The following TPSD1 variants were observed in gnomAD, a reference collection of about 807,000 sequenced individuals.
TPSD1 encodes tryptase delta.
TPSD1 carries 30 observed loss-of-function variants against 25.4 expected under a neutral mutation model. The ratio of observed to expected loss-of-function variants is 1.18; its 90% CI spans 0.88 to 1.60. TPSD1 has a LOEUF of 1.60. TPSD1 is among the 40% of genes most tolerant of loss of function. TPSD1 has a pLI of 0.00. For synonymous variants in TPSD1, 176 were observed against 149.4 expected (o/e 1.18, Z -1.30); for missense variants, 420 against 324.2 (o/e 1.30, Z -2.27).
In TPSD1 at chr16:1,256,623, C is replaced by T. The variant is rs200540687; in HGVS notation, c.190C>T (p.His64Tyr). 3 of 1,613,044 alleles carry T rather than the reference C, an allele frequency of 1.9e-6. No individual in the cohort carries two copies. Among genetic ancestry groups the T allele is most frequent in the Non-Finnish European group, 2.5e-6 (3 of 1,179,758 alleles). ...SLRVRGPYWM[H>Y]FCGGSLIHPQ... Reference sequence around the variant, plus strand: ...GAGAGTCCGCGGCCCATACTGGATGCACTTCTGCGGGGGCTCCCTCATCCA... The same window carrying T: ...GAGAGTCCGCGGCCCATACTGGATGTACTTCTGCGGGGGCTCCCTCATCCA... The change falls in exon 2 of 5, where the codon CAC becomes TAC. Residue 64 changes from histidine (H) to tyrosine (Y), a missense_variant. By Grantham distance (83) the His-to-Tyr change is moderately conservative. Transcript: ENST00000211076.
rs1273342152 is a variant in TPSD1 at position 1,256,660 on chromosome 16, T to C, written c.227T>C (p.Val76Ala). 6.2e-7 allele frequency: 1 copy of C among 1,612,404 alleles called. No individual in the cohort carries two copies. The highest frequency in any genetic ancestry group is 1.3e-5 in the African/African-American group (1 of 75,032). The change falls in exon 2 of 5, where the codon GTG becomes GCG. Residue 76 changes from valine (V) to alanine (A), a missense_variant. Val to Ala is a moderately conservative substitution (Grantham distance 64). Transcript: ENST00000211076. Reference sequence around the variant, plus strand: ...GGCTCCCTCATCCACCCCCAGTGGGTGCTAACCGCGGCGCACTGCGTGGAA... The same window carrying C: ...GGCTCCCTCATCCACCCCCAGTGGGCGCTAACCGCGGCGCACTGCGTGGAA... ...CGGSLIHPQW[V>A]LTAAHCVEPD...
intron 1 of TPSD1, 55 bp downstream of exon 1, chr16:1,256,417 C>A: frequency 1.2e-6 from 2 of 1,611,072 alleles, no homozygotes; most frequent in South Asian, 2.2e-5. Flanking sequence ...AGATCAGGGC[C>A]TGGGTGGGTT....
At chr16:1,256,464 C>A (rs1394084325) in intron 1 of TPSD1, 52 bp from the exon 2 acceptor site, 1 of 1,575,434 alleles carries the variant, frequency 6.3e-7, no homozygotes. Flanking sequence ...CAGGGAAGGG[C>A]TGGTCCCAGG....
At chr16:1,257,834 C>T in intron 3 of TPSD1, 1 of 602,764 alleles carries the variant, frequency 1.7e-6, no homozygotes, top group Non-Finnish European at 2.9e-6. Context: ...ACCTCCAGGG[C>T]CCTCCCCTCC....
chr16:1,258,565 C>T lies in TPSD1; in HGVS notation c.*189C>T. 1.3e-6 allele frequency: 2 copies of T among 1,559,832 alleles called. No homozygotes were observed. Among genetic ancestry groups the T allele is most frequent in the Non-Finnish European group, 1.7e-6 (2 of 1,147,530 alleles). ...CTCCTGTCCAAACCACCACTGCTTC[C>T]TACCCAGGTGGTGACTGCCCCCCAC... On this transcript the variant is annotated 3_prime_UTR_variant, in exon 5 of 5. Transcript: ENST00000211076.
chr16:1,256,710 G>T (rs1179430462), intron 2 of TPSD1, 23 bp downstream of exon 2: 1 of 1,611,402 alleles, frequency 6.2e-7, no homozygotes, highest in African/African-American at 1.3e-5. Context: ...GGGCCTGGAG[G>T]GGTGGGCAAG....
intron 3 of TPSD1, 120 bp downstream of exon 3, chr16:1,257,182 G>A: frequency 1.5e-6 from 2 of 1,365,106 alleles, no homozygotes; most frequent in South Asian, 1.4e-5. Context: ...TGGAGGCCAG[G>A]ATGGATGGAG....
chr16:1,256,354 T>G lies in TPSD1; in HGVS notation c.74T>G (p.Val25Gly). Residue 25 changes from valine to glycine, a missense_variant, in exon 1 of 5, where the codon GTG becomes GGG. By Grantham distance (109) the Val-to-Gly change is moderately radical. Transcript: ENST00000211076. ...ALPVLASPAYVAPAPGQALQQ... is the reference protein window; with the variant it reads ...ALPVLASPAYGAPAPGQALQQ... ...CCCGTCCTGGCGAGCCCGGCCTACGTGGCCCCTGGTGAGTCCCAGCCGGGG... is the reference window on the plus strand; with the variant it reads ...CCCGTCCTGGCGAGCCCGGCCTACGGGGCCCCTGGTGAGTCCCAGCCGGGG... 3.8e-6 allele frequency: 6 copies of G among 1,598,382 alleles called. No homozygotes were observed. Among genetic ancestry groups the G allele is most frequent in the Non-Finnish European group, 5.1e-6 (6 of 1,168,608 alleles).
At position 1,258,528 on chromosome 16, in the gene TPSD1, G is replaced by A; in HGVS notation, c.*152G>A. 2 of 1,601,990 alleles carry A rather than the reference G, an allele frequency of 1.2e-6. No homozygotes were observed. The highest frequency in any genetic ancestry group is 4.5e-5 in the East Asian group (2 of 44,782). On this transcript the variant is annotated 3_prime_UTR_variant, in exon 5 of 5. Coordinates refer to ENST00000211076, the MANE Select transcript of TPSD1 (RefSeq NM_012217.3). ...CCTGGGGTGTCCACCCGGGTCACTG[G>A]AGGGCCAGCCCCTCCTGTCCAAACC...
chr16:1,257,163 G>A (rs1210958680), intron 3 of TPSD1, 101 bp downstream of exon 3: 9 of 1,447,268 alleles, frequency 6.2e-6, no homozygotes, highest in Non-Finnish European at 8.3e-6. Flanking sequence ...GGCTCAGGGA[G>A]GGGGACTGTG....
At position 1,258,340 on chromosome 16, in the gene TPSD1, T is replaced by C. The variant is rs775869040; in HGVS notation, c.693T>C (p.Ser231=). Residue 231 remains serine (S), a synonymous_variant, in exon 5 of 5, where the codon TCT becomes TCC. Transcript: ENST00000211076. ...SENHDSCQGD[S]GGPLVCKVNG... Reference sequence around the variant, plus strand: ...ACCTCTGACCTTCCCAGGGTGACTCTGGAGGGCCCCTGGTCTGCAAGGTGA... The same window carrying C: ...ACCTCTGACCTTCCCAGGGTGACTCCGGAGGGCCCCTGGTCTGCAAGGTGA... 3 of 1,606,046 alleles carry C rather than the reference T, an allele frequency of 1.9e-6. No individual in the cohort carries two copies. Among genetic ancestry groups the C allele is most frequent in the Non-Finnish European group, 2.5e-6 (3 of 1,179,794 alleles).
intron 3 of TPSD1, 66 bp from the exon 4 acceptor site, chr16:1,257,993 C>T (rs2141449221): frequency 1.3e-6 from 2 of 1,507,718 alleles, no homozygotes; most frequent in East Asian, 4.9e-5. Context: ...GTGACTCTGC[C>T]ACCAAGTCCA....
rs1567578516 is a variant in TPSD1, at chr16:1,258,215, C to T, written c.677C>T (p.Ser226Phe). ...MLCAGSENHD[S>F]CQGDSGGPLV... ...TGTGCGGGGAGCGAAAATCACGACTCCTGCCAGGTGGGCCCTCGCGTCCCC... is the reference window on the plus strand; with the variant it reads ...TGTGCGGGGAGCGAAAATCACGACTTCTGCCAGGTGGGCCCTCGCGTCCCC... Residue 226 changes from serine to phenylalanine, a missense_variant, in exon 4 of 5, where the codon TCC becomes TTC. Coordinates refer to ENST00000211076, the MANE Select transcript of TPSD1 (RefSeq NM_012217.3). 6.2e-7 allele frequency: 1 copy of T among 1,610,802 alleles called. No homozygotes were observed. Among genetic ancestry groups the T allele is most frequent in the Admixed American group, 1.7e-5 (1 of 59,886 alleles).
intron 3 of TPSD1, 78 bp downstream of exon 3, chr16:1,257,140 G>A (rs2030993457): frequency 3.3e-6 from 5 of 1,496,042 alleles, no homozygotes; most frequent in South Asian, 1.3e-5. Flanking sequence ...GGGGTGACAG[G>A]GTCCCTCAGG....
rs761219279 is a variant in TPSD1 at position 1,256,557 on chromosome 16, C to G, written c.124C>G (p.Gln42Glu). The G allele has an allele frequency of 6.3e-7, 1 of 1,599,170 alleles. No homozygotes were observed. The highest frequency in any genetic ancestry group is 8.5e-7 in the Non-Finnish European group (1 of 1,176,460). ...GCAGCAAACGGGCATTGTTGGGGGGCAGGAGGCCCCCAGGAGCAAGTGGCC... is the reference window on the plus strand; with the variant it reads ...GCAGCAAACGGGCATTGTTGGGGGGGAGGAGGCCCCCAGGAGCAAGTGGCC... The part of the protein sequence containing the change: ...ALQQTGIVGG[Q>E]EAPRSKWPWQ... Residue 42 changes from glutamine to glutamate, a missense_variant, in exon 2 of 5, where the codon CAG (glutamine) becomes GAG (glutamate). Transcript: ENST00000211076.
In TPSD1 at chr16:1,258,663, G is replaced by T. The variant is rs1436661948; in HGVS notation, c.*287G>T. ...TGTCCTGAGCCCCCTCCCCTTTCTT[G>T]ATCCCCTCCCCCATCCTGAGCCCCT... On this transcript the variant is annotated 3_prime_UTR_variant, in exon 5 of 5. Transcript: ENST00000211076. 2.2e-6 allele frequency: 1 copy of T among 456,256 alleles called. No individual in the cohort carries two copies. The highest frequency in any genetic ancestry group is 3.6e-6 in the Non-Finnish European group (1 of 279,224). The allele number at this position is 456,256 out of a possible 1,614,324, so 28.3% of individuals were successfully genotyped here.
rs61729111 is a variant in TPSD1, at chr16:1,256,954, G to A, written c.412G>A (p.Val138Met). ...CGCCCTGCTGGAGCTGGAGGAGCCCGTGAACATCTCCAGCCACATCCACAC... is the reference window on the plus strand; with the variant it reads ...CGCCCTGCTGGAGCTGGAGGAGCCCATGAACATCTCCAGCCACATCCACAC... ...DIALLELEEP[V>M]NISSHIHTVT... Residue 138 changes from valine to methionine, a missense_variant, in exon 3 of 5, where the codon GTG (valine) becomes ATG (methionine). Coordinates refer to ENST00000211076, the MANE Select transcript of TPSD1 (RefSeq NM_012217.3). The A allele has an allele frequency of 2.0e-3, 3,160 of 1,613,724 alleles. No individual in the cohort carries two copies. The African/African-American group carries it at 0.036, about 19-fold the overall frequency.
chr16:1,257,296 G>A (rs2030996985), intron 3 of TPSD1: 1 of 588,492 alleles, frequency 1.7e-6, no homozygotes, highest in Non-Finnish European at 3.0e-6. Flanking sequence ...TAGCACCTCC[G>A]TGCCTCGGTT....
intron 3 of TPSD1, chr16:1,257,833 G>A (rs1596501147): frequency 1.7e-6 from 1 of 601,644 alleles, no homozygotes; most frequent in Non-Finnish European, 2.9e-6. Flanking sequence ...AACCTCCAGG[G>A]CCCTCCCCTC....
Sources: gnomAD v4.1 joint callset for allele counts on GRCh38, gnomAD v4.1.1 for gene constraint, MANE v1.5 for transcripts, NCBI Gene and HGNC (gene_info 2026-07-23, HGNC 2026-07-21) for gene names.